RMDN2: variants seen among roughly 807,000 people sequenced by gnomAD.
RMDN2 encodes the protein regulator of microtubule dynamics 2.
A neutral mutation model predicts 52.8 loss-of-function variants in RMDN2; 61 were observed. That is an observed-to-expected ratio of 1.16 (90% CI 0.94 to 1.43). The LOEUF (loss-of-function observed/expected upper bound fraction) is 1.43. Among genes scored for constraint, RMDN2 ranks in the 40% most tolerant of loss-of-function variants. The pLI, the probability that RMDN2 is intolerant of heterozygous loss-of-function variation, is 0.00. For synonymous variants in RMDN2, 180 were observed against 153.1 expected (o/e 1.18, Z -1.30); for missense variants, 592 against 475.3 (o/e 1.25, Z -2.28).
Position 37,929,449 on chromosome 2 carries a change from A to G in RMDN2, c.172A>G (p.Ile58Val), listed in dbSNP as rs948961593. The part of the protein sequence containing the change: ...TFNSITLQDE[I>V]HDDQGTTVIF... ...TAATTCAATAACTTTGCAAGATGAA[A>G]TACATGATGACCAAGGAACAACAGT... The change falls in exon 2 of 11, where the codon ATA (isoleucine) becomes GTA (valine). Residue 58 changes from isoleucine to valine, a missense_variant. By Grantham distance (29) the Ile-to-Val change is conservative. Coordinates refer to ENST00000354545, the MANE Select transcript of RMDN2 (RefSeq NM_001170791.3). The G allele has an allele frequency of 2.6e-6, 4 of 1,551,628 alleles. No individual in the cohort carries two copies. Among genetic ancestry groups the G allele is most frequent in the East Asian group, 4.9e-5 (2 of 40,926 alleles).
chr2:37,975,333 T>A lies in RMDN2; in HGVS notation c.730+19T>A. 1.4e-6 allele frequency: 2 copies of A among 1,388,450 alleles called. No homozygotes were observed. Among genetic ancestry groups the A allele is most frequent in the Non-Finnish European group, 2.0e-6 (2 of 975,866 alleles). 86.0% of individuals were successfully genotyped at this position (1,388,450 alleles called of 1,614,324 possible). Reference sequence around the variant, plus strand: ...AATATTGGTAAGCATTTTGTAAAGATTATTCTCAAGTAGCAATTAAGATCT... The same window carrying A: ...AATATTGGTAAGCATTTTGTAAAGAATATTCTCAAGTAGCAATTAAGATCT... On this transcript the variant is annotated intron_variant, in intron 4 of 10. Transcript: ENST00000354545.
chr2:37,999,202 C>T (rs561493142), intron 8 of RMDN2, among the ~76,000 whole-genome samples: 12 of 152,246 alleles, frequency 7.9e-5, no homozygotes, highest in Non-Finnish European at 1.5e-4. Context: ...ATGCAAATTT[C>T]GGAACCAGAC....
intron 2 of RMDN2, among the ~76,000 whole-genome samples, chr2:37,960,093 T>A (rs770610898): frequency 1.3e-5 from 2 of 152,194 alleles, no homozygotes; most frequent in African/African-American, 2.4e-5. Flanking sequence ...ATGTGCTATG[T>A]GGTGCTGAGA....
intron 10 of RMDN2, among the ~76,000 whole-genome samples, chr2:38,046,003 C>T (rs2125294464): frequency 6.6e-6 from 1 of 152,306 alleles, no homozygotes; most frequent in African/African-American, 2.4e-5. Context: ...ATCAGGATGA[C>T]TCAGGGAATG....
At chr2:37,957,557 T>G (rs1261679940) in intron 2 of RMDN2, among the ~76,000 whole-genome samples, 2 of 152,226 alleles carry the variant, frequency 1.3e-5, no homozygotes, top group Non-Finnish European at 2.9e-5. Flanking sequence ...CTTTGTCAGA[T>G]GGATAGATTG....
At chr2:37,956,887 T>A (rs4961030) in intron 2 of RMDN2, among the ~76,000 whole-genome samples, 1 of 151,716 alleles carries the variant, frequency 6.6e-6, no homozygotes, top group Non-Finnish European at 1.5e-5. Context: ...CTCCCACTTA[T>A]GAGTGAGAAC....
At chr2:38,020,713 G>A (rs950858116), downstream of RMDN2, among the ~76,000 whole-genome samples, 2 of 152,206 alleles carry the variant, frequency 1.3e-5, no homozygotes, top group African/African-American at 4.8e-5. Flanking sequence ...CTGGCGGTGT[G>A]CTGGATTTCT....
chr2:37,922,208 G>C (rs1666051490), upstream of RMDN2, among the ~76,000 whole-genome samples: 2 of 152,148 alleles, frequency 1.3e-5, no homozygotes. Flanking sequence ...AGCGGGGGTT[G>C]GGGATTTCAT....
intron 2 of RMDN2, chr2:37,951,799 C>T (rs765502790): frequency 1.2e-6 from 2 of 1,613,462 alleles, no homozygotes; most frequent in Admixed American, 3.3e-5. Context: ...ACAAACACTA[C>T]TTCTCCAGCC....
intron 2 of RMDN2, among the ~76,000 whole-genome samples, chr2:37,956,486 C>T (rs1313020199): frequency 6.6e-6 from 1 of 151,958 alleles, no homozygotes. Flanking sequence ...GAAGGACAAA[C>T]TTGGTTTCAT....
At chr2:38,035,323 A>T (rs1009763515) in intron 10 of RMDN2, among the ~76,000 whole-genome samples, 3 of 152,164 alleles carry the variant, frequency 2.0e-5, no homozygotes, top group Non-Finnish European at 2.9e-5. Flanking sequence ...AAATAAAAAG[A>T]CACACTATAT....
intron 10 of RMDN2, among the ~76,000 whole-genome samples, chr2:38,011,305 G>T (rs1677956883): frequency 6.6e-6 from 1 of 152,146 alleles, no homozygotes; most frequent in African/African-American, 2.4e-5. Context: ...TCAGGATTCT[G>T]GGTATGCTTT....
intron 4 of RMDN2, among the ~76,000 whole-genome samples, chr2:37,977,741 G>A (rs561304190): frequency 4.6e-5 from 7 of 151,418 alleles, no homozygotes; most frequent in East Asian, 3.9e-4. Flanking sequence ...GGGCAGAGGC[G>A]CTCCCCACAT....
chr2:37,939,815 A>G (rs988705565), intron 2 of RMDN2, among the ~76,000 whole-genome samples: 2 of 152,182 alleles, frequency 1.3e-5, no homozygotes, highest in Admixed American at 1.3e-4. Context: ...TAAATACAGC[A>G]CACCAATGGG....
chr2:38,024,495 G>A (rs1331388494), intron 10 of RMDN2, among the ~76,000 whole-genome samples: 1 of 152,100 alleles, frequency 6.6e-6, no homozygotes, highest in Non-Finnish European at 1.5e-5. Flanking sequence ...TAGTATATCT[G>A]ATAGGGGGTT....
chr2:37,979,972 A>C (rs1043009184), intron 4 of RMDN2, among the ~76,000 whole-genome samples: 1 of 152,114 alleles, frequency 6.6e-6, no homozygotes, highest in Middle Eastern at 3.2e-3. Context: ...TTCACTTTTT[A>C]ATTGTTTCCA....
In RMDN2 at chr2:37,929,648, A is replaced by G; in HGVS notation, c.371A>G (p.His124Arg). The G allele has an allele frequency of 6.5e-7, 1 of 1,547,716 alleles. No homozygotes were observed. The highest frequency in any genetic ancestry group is 8.7e-7 in the Non-Finnish European group (1 of 1,146,108). The part of the protein sequence containing the change: ...KITVHKISPQ[H>R]RARKRRLPTI... The stretch of plus-strand genomic sequence containing the variant: ...ACTGTTCATAAGATAAGCCCTCAGC[A>G]CAGAGCGAGAAAAAGAAGACTCCCC... Residue 124 changes from histidine to arginine, a missense_variant, in exon 2 of 11, where the codon CAC becomes CGC. Coordinates refer to ENST00000354545, the MANE Select transcript of RMDN2 (RefSeq NM_001170791.3).
intron 4 of RMDN2, among the ~76,000 whole-genome samples, chr2:37,976,556 C>T (rs772096896): frequency 5.3e-5 from 8 of 152,276 alleles, no homozygotes; most frequent in African/African-American, 1.9e-4. Flanking sequence ...GATTCATTTG[C>T]TGAATGACCT....
intron 8 of RMDN2, 37 bp downstream of exon 8, chr2:37,997,551 G>A: frequency 7.8e-7 from 1 of 1,276,304 alleles, no homozygotes; most frequent in Non-Finnish European, 1.1e-6. Flanking sequence ...GTGTCAGACT[G>A]ATTACCATCT....
Sources: allele counts gnomAD v4.1 joint callset (sites outside exome capture counted in the v4.1 genomes callset), GRCh38; gene constraint gnomAD v4.1.1; transcripts MANE v1.5; gene names NCBI Gene and HGNC (gene_info 2026-07-23, HGNC 2026-07-21).